OR1J2: variants seen among roughly 807,000 people sequenced by gnomAD.
OR1J2 encodes olfactory receptor 1J2.
For missense variants in OR1J2, 304 were observed against 246.1 expected (o/e 1.24, Z -1.57); for synonymous variants, 142 against 99.7 (o/e 1.42, Z -2.52).
At chr9:122,531,072 A>C in the OR1J2 span, among the ~76,000 whole-genome samples, 1 of 152,052 alleles carries the variant, frequency 6.6e-6, no homozygotes, top group South Asian at 2.1e-4. Context: ...GATGGTGAAA[A>C]TTTTTTGGGG....
the OR1J2 span, among the ~76,000 whole-genome samples, chr9:122,538,128 G>T: frequency 6.6e-6 from 1 of 152,008 alleles, no homozygotes; most frequent in Non-Finnish European, 1.5e-5. Context: ...CATGTCTCAG[G>T]CAAGCCCACC....
At chr9:122,459,180 A>G in the OR1J2 span, among the ~76,000 whole-genome samples, 1 of 152,096 alleles carries the variant, frequency 6.6e-6, no homozygotes. Flanking sequence ...AATTTTCTTT[A>G]TCCATTTGTC....
chr9:122,491,277 A>G, the OR1J2 span, among the ~76,000 whole-genome samples: 1 of 152,190 alleles, frequency 6.6e-6, no homozygotes, highest in African/African-American at 2.4e-5. Flanking sequence ...AGGTACCTAT[A>G]GGTCATCCAT....
the OR1J2 span, among the ~76,000 whole-genome samples, chr9:122,561,569 T>G: frequency 3.3e-5 from 5 of 152,208 alleles, no homozygotes; most frequent in African/African-American, 1.2e-4. Flanking sequence ...TGTTTGTTTT[T>G]CTTTCAGTGG....
At chr9:122,510,259 T>TG (rs1230103647), upstream of OR1J2, among the ~76,000 whole-genome samples, 6 of 152,338 alleles carry the variant, frequency 3.9e-5, no homozygotes. Flanking sequence ...CCATGACTGA[T>TG]GGCTTGGAAT....
chr9:122,533,808 C>T, the OR1J2 span, among the ~76,000 whole-genome samples: 103 of 152,116 alleles, frequency 6.8e-4, 3 homozygotes, highest in East Asian at 0.017. Context: ...AAGAAGGGGA[C>T]GGACTTACCC....
the OR1J2 span, among the ~76,000 whole-genome samples, chr9:122,573,380 G>A: frequency 6.6e-6 from 1 of 152,196 alleles, no homozygotes. Context: ...TATCAAGAGT[G>A]GATAAATATT....
the OR1J2 span, among the ~76,000 whole-genome samples, chr9:122,532,015 C>G: frequency 0.058 from 5,942 of 102,846 alleles, 133 homozygotes; most frequent in East Asian, 0.11. Flanking sequence ...GTAGGGAAGG[C>G]AGGGGGCCTG....
chr9:122,471,976 A>G, the OR1J2 span, among the ~76,000 whole-genome samples: 7 of 152,194 alleles, frequency 4.6e-5, no homozygotes, highest in Non-Finnish European at 1.0e-4. Context: ...ATAAAATACA[A>G]TTACTTCTAT....
the OR1J2 span, among the ~76,000 whole-genome samples, chr9:122,575,055 G>A: frequency 0.051 from 7,771 of 152,072 alleles, 306 homozygotes; most frequent in South Asian, 0.17. Context: ...ATTAAACTTG[G>A]TTGTGATGTA....
chr9:122,472,563 T>C, the OR1J2 span, among the ~76,000 whole-genome samples: 1 of 152,242 alleles, frequency 6.6e-6, no homozygotes, highest in South Asian at 2.1e-4. Context: ...TATTACTGGG[T>C]ACCCCATGCA....
the OR1J2 span, among the ~76,000 whole-genome samples, chr9:122,544,507 G>A: frequency 2.3e-4 from 30 of 131,190 alleles, 1 homozygote; most frequent in African/African-American, 4.3e-4. Flanking sequence ...CGCACCCTCC[G>A]CCTCCCAGGT....
At chr9:122,539,192 T>C in the OR1J2 span, among the ~76,000 whole-genome samples, 1 of 152,212 alleles carries the variant, frequency 6.6e-6, no homozygotes, top group African/African-American at 2.4e-5. Flanking sequence ...TATGTATACA[T>C]GTGTCATGTT....
At chr9:122,465,439 T>C in the OR1J2 span, among the ~76,000 whole-genome samples, 52 of 152,312 alleles carry the variant, frequency 3.4e-4, 1 homozygote, top group South Asian at 0.011. Flanking sequence ...CTGGGACCCC[T>C]GCAGGCTCTA....
At chr9:122,553,085 T>C in the OR1J2 span, 1 of 890,794 alleles carries the variant, frequency 1.1e-6, no homozygotes, top group Non-Finnish European at 1.7e-6. Flanking sequence ...AAAGACCATT[T>C]ATTTTTCTTT....
At chr9:122,528,546 C>T in the OR1J2 span, among the ~76,000 whole-genome samples, 17 of 152,070 alleles carry the variant, frequency 1.1e-4, no homozygotes, top group African/African-American at 3.4e-4. Context: ...TGCAGTGAGC[C>T]GAGATCATGC....
At chr9:122,571,030 T>C in the OR1J2 span, among the ~76,000 whole-genome samples, 2 of 152,224 alleles carry the variant, frequency 1.3e-5, no homozygotes, top group Non-Finnish European at 2.9e-5. Flanking sequence ...GGTAAAGCTA[T>C]ACATATCTTA....
At chr9:122,548,859 T>C in the OR1J2 span, among the ~76,000 whole-genome samples, 1 of 151,464 alleles carries the variant, frequency 6.6e-6, no homozygotes, top group Non-Finnish European at 1.5e-5. Context: ...TTGTAGATTC[T>C]GAACATTAGT....
chr9:122,511,123 A>G lies in OR1J2; in HGVS notation c.322A>G (p.Thr108Ala). 1.1e-6 allele frequency: 1 copy of G among 881,498 alleles called. No individual in the cohort carries two copies. Among genetic ancestry groups the G allele is most frequent in the Non-Finnish European group, 1.8e-6 (1 of 545,776 alleles). 54.6% of individuals were successfully genotyped at this position (881,498 alleles called of 1,614,324 possible). ...TCAGATGTATTTTTTTATATTTTTT[A>G]CTGACCTGGACAGCTTCCTTATTAC... ...ISQMYFFIFF[T>A]DLDSFLITSM... Residue 108 changes from threonine to alanine, a missense_variant, in exon 1 of 1, where the codon ACT becomes GCT. Transcript: ENST00000335302.
Sources: gnomAD v4.1 joint callset for allele counts (sites outside exome capture counted in the v4.1 genomes callset) on GRCh38, gnomAD v4.1.1 for gene constraint, MANE v1.5 for transcripts, NCBI Gene and HGNC (gene_info 2026-07-23, HGNC 2026-07-21) for gene names.